IL1RAPL1: variants seen among roughly 807,000 people sequenced by gnomAD.
The protein encoded by IL1RAPL1 is interleukin 1 receptor accessory protein like 1, also known as interleukin-1 receptor accessory protein-like 1.
A neutral mutation model predicts 48.4 loss-of-function variants in IL1RAPL1; 3 were observed. The observed-to-expected ratio is 0.06, with a 90% CI of 0.03 to 0.16. The LOEUF (loss-of-function observed/expected upper bound fraction) is 0.16. IL1RAPL1 is among the 10% of genes least tolerant of loss of function. IL1RAPL1 has a pLI of 1.00. For synonymous variants in IL1RAPL1, 185 were observed against 187.7 expected (o/e 0.99, Z 0.12); for missense variants, 349 against 530.6 (o/e 0.66, Z 3.36).
intron 1 of IL1RAPL1, among the ~76,000 whole-genome samples, chrX:28,769,189 T>C (rs1174019509): frequency 1.8e-5 from 2 of 108,784 alleles, no homozygotes; most frequent in African/African-American, 3.3e-5. Context: ...ATATATGAGA[T>C]TATATGGGAA....
At chrX:28,838,272 G>C (rs1299144169) in intron 2 of IL1RAPL1, among the ~76,000 whole-genome samples, 2 of 111,068 alleles carry the variant, frequency 1.8e-5, no homozygotes, top group East Asian at 5.7e-4. Flanking sequence ...GTAAGTAATG[G>C]AGTATATTCT....
At chrX:29,598,176 C>G (rs1288456186) in intron 5 of IL1RAPL1, among the ~76,000 whole-genome samples, 1 of 111,806 alleles carries the variant, frequency 8.9e-6, no homozygotes, top group Non-Finnish European at 1.9e-5. Flanking sequence ...TATGAACTTT[C>G]CTGTTAGCAC....
At chrX:29,494,896 G>C (rs1168827705) in intron 5 of IL1RAPL1, among the ~76,000 whole-genome samples, 1 of 111,928 alleles carries the variant, frequency 8.9e-6, no homozygotes, top group African/African-American at 3.2e-5. Context: ...AATTTTGCTT[G>C]TGTCTTATTG....
rs1275616373 is a variant in IL1RAPL1, at chrX:28,805,045, G to T, written c.82+15620G>T. ...CTCTAGGAAGTCAGGAACCATTGAA[G>T]AAATTGCAGCAGAGCTTAGTAGGAA... On this transcript the variant is annotated intron_variant, in intron 2 of 10. Coordinates refer to ENST00000378993, the MANE Select transcript of IL1RAPL1 (RefSeq NM_014271.4). 4.5e-5 allele frequency among the ~76,000 whole-genome samples: 5 copies of T among 110,651 alleles called. No homozygotes were observed. The East Asian group carries it at 1.4e-3, about 32-fold the overall frequency.
chrX:28,890,087 C>G (rs1569193631), intron 2 of IL1RAPL1, among the ~76,000 whole-genome samples: 1 of 111,269 alleles, frequency 9.0e-6, no homozygotes, highest in South Asian at 3.7e-4. Flanking sequence ...GAGGAGGGAA[C>G]ATAGATAAAA....
chrX:29,657,343 C>G (rs1925714050), intron 5 of IL1RAPL1, among the ~76,000 whole-genome samples: 1 of 111,373 alleles, frequency 9.0e-6, no homozygotes, highest in South Asian at 3.8e-4. Context: ...AGTAACACCC[C>G]CTACCAATTG....
intron 6 of IL1RAPL1, among the ~76,000 whole-genome samples, chrX:29,680,535 G>A (rs1179342704): frequency 1.8e-5 from 2 of 110,673 alleles, no homozygotes; most frequent in African/African-American, 3.3e-5. Flanking sequence ...GTGTGAGTAC[G>A]TAGATGTGGC....
At chrX:28,670,455 C>T (rs1169425615) in intron 1 of IL1RAPL1, among the ~76,000 whole-genome samples, 1 of 111,849 alleles carries the variant, frequency 8.9e-6, no homozygotes, top group African/African-American at 3.2e-5. Context: ...CTAGTCTGCA[C>T]CTGTAATTTT....
At chrX:28,959,390 A>G (rs965867889) in intron 2 of IL1RAPL1, among the ~76,000 whole-genome samples, 2 of 111,441 alleles carry the variant, frequency 1.8e-5, no homozygotes, top group African/African-American at 3.2e-5. Flanking sequence ...TGTAGTTAAT[A>G]ATTTTATTTC....
chrX:29,263,494 A>G (rs1043929212), intron 2 of IL1RAPL1, among the ~76,000 whole-genome samples: 8 of 112,058 alleles, frequency 7.1e-5, no homozygotes, highest in African/African-American at 2.6e-4. Context: ...ACAAGGCTTG[A>G]TTACTCCTAC....
chrX:28,600,980 T>C (rs751127705), intron 1 of IL1RAPL1, among the ~76,000 whole-genome samples: 1 of 112,150 alleles, frequency 8.9e-6, no homozygotes, highest in Non-Finnish European at 1.9e-5. Flanking sequence ...ATTTTTATCC[T>C]ATAAAGATTT....
At chrX:29,906,460 A>AATAT (rs1164023016) in intron 6 of IL1RAPL1, among the ~76,000 whole-genome samples, 8 of 29,872 alleles carry the variant, frequency 2.7e-4, no homozygotes, top group Admixed American at 6.4e-4. Context: ...TAACTTTGTA[A>AATAT]ATATATATAT....
At chrX:29,312,379 C>T (rs781527796) in intron 3 of IL1RAPL1, among the ~76,000 whole-genome samples, 2 of 110,548 alleles carry the variant, frequency 1.8e-5, no homozygotes, top group Admixed American at 9.6e-5. Flanking sequence ...CAGCCGAGAT[C>T]GTACCACTGC....
chrX:29,339,344 A>G (rs184422104), intron 3 of IL1RAPL1, among the ~76,000 whole-genome samples: 2 of 111,646 alleles, frequency 1.8e-5, no homozygotes, highest in Non-Finnish European at 3.8e-5. Context: ...TAAATGATAC[A>G]TTATGTAAAG....
chrX:29,382,674 T>A, intron 3 of IL1RAPL1, among the ~76,000 whole-genome samples: 1 of 111,745 alleles, frequency 8.9e-6, no homozygotes, highest in African/African-American at 3.2e-5. Flanking sequence ...TCGTTGCTGT[T>A]TTATTTATGT....
At chrX:28,743,815 G>A (rs1287373142) in intron 1 of IL1RAPL1, among the ~76,000 whole-genome samples, 1 of 110,712 alleles carries the variant, frequency 9.0e-6, no homozygotes, top group African/African-American at 3.3e-5. Context: ...ATTATATCAA[G>A]CTAATTAATC....
intron 6 of IL1RAPL1, among the ~76,000 whole-genome samples, chrX:29,784,027 T>C (rs1929429964): frequency 8.9e-6 from 1 of 111,868 alleles, no homozygotes; most frequent in African/African-American, 3.3e-5. Context: ...AGTCTACAGC[T>C]GCTCTGGAGG....
chrX:29,631,501 G>A (rs748741454), intron 5 of IL1RAPL1, among the ~76,000 whole-genome samples: 1 of 111,786 alleles, frequency 8.9e-6, no homozygotes, highest in African/African-American at 3.2e-5. Flanking sequence ...GGCTGGGCTC[G>A]AACTCCTGGG....
chrX:29,207,902 G>A (rs184588662), intron 2 of IL1RAPL1, among the ~76,000 whole-genome samples: 120 of 111,805 alleles, frequency 1.1e-3, no homozygotes, highest in Admixed American at 2.1e-3. Flanking sequence ...GCTTAAGAAC[G>A]TAAAACTTGG....
Sources: allele counts gnomAD v4.1 joint callset (sites outside exome capture counted in the v4.1 genomes callset), GRCh38; gene constraint gnomAD v4.1.1; transcripts MANE v1.5; gene names NCBI Gene and HGNC (gene_info 2026-07-23, HGNC 2026-07-21).